RFC5: variants seen among roughly 807,000 people sequenced by gnomAD.
RFC5 encodes the protein A1 36 kDa subunit.
RFC5 carries 26 observed loss-of-function variants against 44.3 expected under a neutral mutation model. The observed-to-expected ratio is 0.59, with a 90% CI of 0.43 to 0.81. The LOEUF is 0.81. RFC5 is among the 40% of genes least tolerant of loss of function. RFC5 has a pLI of 0.00. For synonymous variants in RFC5, 155 were observed against 155.2 expected, an observed-to-expected ratio of 1.00 and a Z score of 0.01; for missense variants, 328 against 418.6, an observed-to-expected ratio of 0.78 and a Z score of 1.89.
chr12:118,019,495 C>A lies in RFC5; in HGVS notation c.131-137C>A. 2 of 876,488 alleles carry A rather than the reference C, an allele frequency of 2.3e-6. No homozygotes were observed. The highest frequency in any genetic ancestry group is 3.6e-6 in the Non-Finnish European group (2 of 553,346). The allele number at this position is 876,488 out of a possible 1,614,324, so 54.3% of individuals were successfully genotyped here. ...TTGTTCCACGAAAGTAGATATGAGG[C>A]CCCTACATCAAGTTGTATCTGCCTC... On this transcript the variant is annotated intron_variant, in intron 2 of 10. Coordinates refer to ENST00000454402, the MANE Select transcript of RFC5 (RefSeq NM_007370.7). The surrounding 1 kb of genome is among the most constrained non-coding windows in gnomAD (Gnocchi z 4.2).
the RFC5 span, chr12:118,038,280 A>C: frequency 6.2e-7 from 1 of 1,612,106 alleles, no homozygotes; most frequent in Admixed American, 1.7e-5. Context: ...ATAACGCTGG[A>C]GACTCACCGA....
At chr12:118,039,914 T>C in the RFC5 span, among the ~76,000 whole-genome samples, 1 of 151,978 alleles carries the variant, frequency 6.6e-6, no homozygotes, top group East Asian at 1.9e-4. Context: ...CTGCTAATTT[T>C]TACATATTTT....
Position 118,019,863 on chromosome 12 carries a change from G to A in RFC5, c.267+95G>A. The A allele has an allele frequency of 9.9e-7, 1 of 1,007,078 alleles. No homozygotes were observed. The highest frequency in any genetic ancestry group is 1.5e-6 in the Non-Finnish European group (1 of 673,616). 62.4% of individuals were successfully genotyped at this position (1,007,078 alleles called of 1,614,324 possible). ...TTTTATTTTACTTTAAAAGTAAGTTGCCCCACGGACAGTTAGGAAAGAAGT... is the reference window on the plus strand; with the variant it reads ...TTTTATTTTACTTTAAAAGTAAGTTACCCCACGGACAGTTAGGAAAGAAGT... On this transcript the variant is annotated intron_variant, in intron 3 of 10. Coordinates refer to ENST00000454402, the MANE Select transcript of RFC5 (RefSeq NM_007370.7). The surrounding 1 kb of genome is among the most constrained non-coding windows in gnomAD (Gnocchi z 4.2).
At chr12:118,023,784 A>G (rs2030719474) in intron 5 of RFC5, among the ~76,000 whole-genome samples, 1 of 148,528 alleles carries the variant, frequency 6.7e-6, no homozygotes, top group Non-Finnish European at 1.5e-5. Context: ...TCAACCTGCC[A>G]AATATAATTT....
the RFC5 span, among the ~76,000 whole-genome samples, chr12:118,039,719 C>G: frequency 5.9e-5 from 9 of 151,982 alleles, no homozygotes; most frequent in African/African-American, 2.2e-4. Flanking sequence ...ATGTATGGAT[C>G]CACAAAAATT....
chr12:118,029,893 C>A, intron 10 of RFC5, 68 bp downstream of exon 10: 3 of 1,207,554 alleles, frequency 2.5e-6, no homozygotes, highest in Non-Finnish European at 2.5e-6. Context: ...TTATTTGTTT[C>A]AACTTTCTTG....
downstream of RFC5, chr12:118,034,039 T>C (rs1305434991): frequency 1.3e-5 from 13 of 965,632 alleles, no homozygotes; most frequent in African/African-American, 1.6e-5. Context: ...GAAAGATCCA[T>C]GACTAGTACA....
In RFC5 at chr12:118,029,600, G is replaced by C. The variant is rs185777367; in HGVS notation, c.872-171G>C. 7.2e-4 allele frequency among the ~76,000 whole-genome samples: 110 copies of C among 152,214 alleles called. 1 individual carries two copies. The highest frequency in any genetic ancestry group is 2.2e-3 in the African/African-American group (93 of 41,524). On this transcript the variant is annotated intron_variant, in intron 9 of 10. Transcript: ENST00000454402. ...AAGCACAAAATCGAGTGGGTAAAAA[G>C]TATGAAACCAGCACTGTTTCTACTT...
chr12:118,040,500 C>T, the RFC5 span, among the ~76,000 whole-genome samples: 1 of 152,106 alleles, frequency 6.6e-6, no homozygotes, highest in Non-Finnish European at 1.5e-5. Context: ...GTACCTCATA[C>T]CTGTAATCCC....
intron 5 of RFC5, among the ~76,000 whole-genome samples, chr12:118,023,064 A>G (rs2137707045): frequency 1.0e-5 from 1 of 97,688 alleles, no homozygotes; most frequent in South Asian, 3.6e-4. Context: ...TTCATCCTTA[A>G]GCTATCAGAT....
chr12:118,021,627 C>G (rs1284243924), intron 4 of RFC5, among the ~76,000 whole-genome samples: 1 of 149,820 alleles, frequency 6.7e-6, no homozygotes. Context: ...GGAAGGACAA[C>G]TAGGATGGTG....
downstream of RFC5, chr12:118,034,672 G>C (rs770959744): frequency 2.0e-6 from 1 of 489,912 alleles, no homozygotes; most frequent in East Asian, 3.5e-5. Flanking sequence ...AATTATAGAT[G>C]TTACCTGTAA....
chr12:118,035,182 T>C, downstream of RFC5: 1 of 1,613,724 alleles, frequency 6.2e-7, no homozygotes, highest in Non-Finnish European at 8.5e-7. Flanking sequence ...GCACTTGTTC[T>C]GAGGCCATGT....
At position 118,024,845 on chromosome 12, in the gene RFC5, T is replaced by C. The variant is rs2030820931; in HGVS notation, c.422-6T>C. On this transcript the variant is annotated splice_polypyrimidine_tract_variant and splice_region_variant and intron_variant, in intron 5 of 10. Transcript: ENST00000454402. Reference sequence around the variant, plus strand: ...GACATGAGGTGGTTTTATTTTCTCTTACTAGTAATTGAGAAATTCACAGAA... The same window carrying C: ...GACATGAGGTGGTTTTATTTTCTCTCACTAGTAATTGAGAAATTCACAGAA... 1 of 1,602,130 alleles carries C rather than the reference T, an allele frequency of 6.2e-7. No homozygotes were observed. Among genetic ancestry groups the C allele is most frequent in the South Asian group, 1.1e-5 (1 of 88,814 alleles).
At position 118,024,965 on chromosome 12, in the gene RFC5, C is replaced by T; in HGVS notation, c.536C>T (p.Pro179Leu). ...CTRFRFGPLTPELMVPRLEHV... is the reference protein window; with the variant it reads ...CTRFRFGPLTLELMVPRLEHV... ...AGGTTTCGGTTCGGTCCCCTGACTC[C>T]TGAACTCATGGTTCCCCGCCTGGAA... is the stretch of plus-strand genomic sequence containing the variant. Residue 179 changes from proline to leucine, a missense_variant, in exon 6 of 11, where the codon CCT becomes CTT. Pro to Leu is a moderately conservative substitution (Grantham distance 98, BLOSUM62 -3). Coordinates refer to ENST00000454402, the MANE Select transcript of RFC5 (RefSeq NM_007370.7). 6.2e-7 allele frequency: 1 copy of T among 1,614,116 alleles called. No homozygotes were observed. Among genetic ancestry groups the T allele is most frequent in the Non-Finnish European group, 8.5e-7 (1 of 1,180,008 alleles).
At chr12:118,021,048 T>G in intron 4 of RFC5, 63 bp downstream of exon 4, 2 of 1,022,320 alleles carry the variant, frequency 2.0e-6, no homozygotes, top group South Asian at 1.3e-5. Flanking sequence ...ATGGGTTAAT[T>G]TTTTAATCCT....
At chr12:118,024,468 C>T (rs5745857) in intron 5 of RFC5, among the ~76,000 whole-genome samples, 20,474 of 151,880 alleles carry the variant, frequency 0.13, 2,182 homozygotes, top group East Asian at 0.4. Flanking sequence ...CTCTGTTGCC[C>T]ACGCTGGAGT....
chr12:118,031,362 G>A lies in RFC5; in HGVS notation c.*84G>A. 2 of 895,064 alleles carry A rather than the reference G, an allele frequency of 2.2e-6. No individual in the cohort carries two copies. The highest frequency in any genetic ancestry group is 3.5e-6 in the Non-Finnish European group (2 of 566,556). 55.4% of individuals were successfully genotyped at this position (895,064 alleles called of 1,614,324 possible). On this transcript the variant is annotated 3_prime_UTR_variant, in exon 11 of 11. Transcript: ENST00000454402. Reference sequence around the variant, plus strand: ...AGTTCCAGGATAAACTGCTGCCTGGGGCTGTGGGATGAATCAGTCACCCCG... The same window carrying A: ...AGTTCCAGGATAAACTGCTGCCTGGAGCTGTGGGATGAATCAGTCACCCCG...
intron 5 of RFC5, 150 bp downstream of exon 5, chr12:118,022,509 G>C: frequency 1.7e-6 from 1 of 596,334 alleles, no homozygotes; most frequent in Middle Eastern, 4.1e-4. Context: ...CTGTCACCCA[G>C]GTTGGAGTGC....
Sources: gnomAD v4.1 joint callset for allele counts (sites outside exome capture counted in the v4.1 genomes callset) on GRCh38, gnomAD v4.1.1 for gene constraint, Gnocchi (gnomAD v3.1) non-coding constraint, MANE v1.5 for transcripts, NCBI Gene and HGNC (gene_info 2026-07-23, HGNC 2026-07-21) for gene names.